The following PDE3A variants were observed in gnomAD, a reference collection of about 807,000 sequenced individuals.
The protein encoded by PDE3A is phosphodiesterase 3A.
In PDE3A, 43 loss-of-function variants were observed where a neutral mutation model predicts 98.3. The observed-to-expected ratio is 0.44, with a 90% confidence interval of 0.34 to 0.56. The LOEUF (loss-of-function observed/expected upper bound fraction) is 0.56. PDE3A is among the 20% of genes least tolerant of loss of function. The pLI is 0.01. For synonymous variants in PDE3A, 663 were observed against 567.9 expected, an observed-to-expected ratio of 1.17 and a Z score of -2.38; for missense variants, 1,427 against 1,440.7, an observed-to-expected ratio of 0.99 and a Z score of 0.15.
At chr12:20,509,197 G>A (rs2121109442) in intron 1 of PDE3A, among the ~76,000 whole-genome samples, 1 of 152,090 alleles carries the variant, frequency 6.6e-6, no homozygotes, top group Admixed American at 6.6e-5. Context: ...ATCCAGTAGG[G>A]CCTTGGCTTG....
In PDE3A at chr12:20,414,148, T is replaced by C. The variant is rs190902101; in HGVS notation, c.960+43904T>C. On this transcript the variant is annotated intron_variant, in intron 1 of 15. Coordinates refer to ENST00000359062, the MANE Select transcript of PDE3A (RefSeq NM_000921.5). ...TATTGTATGTTAATATATAGTGTAATATTTATGTATACGTATATTTGATTA... is the reference window on the plus strand; with the variant it reads ...TATTGTATGTTAATATATAGTGTAACATTTATGTATACGTATATTTGATTA... Among the ~76,000 whole-genome samples the C allele has an allele frequency of 1.5e-3, 232 of 152,324 alleles. 1 individual carries two copies. Among genetic ancestry groups the C allele is most frequent in the Middle Eastern group, 0.01 (3 of 294 alleles).
At chr12:20,375,254 A>G (rs906184527) in intron 1 of PDE3A, among the ~76,000 whole-genome samples, 2 of 152,056 alleles carry the variant, frequency 1.3e-5, no homozygotes, top group Non-Finnish European at 2.9e-5. Context: ...TCAAATGAAG[A>G]TAATTCCTTT....
Position 20,500,987 on chromosome 12 carries a change from T to C in PDE3A, c.961-55673T>C, listed in dbSNP as rs1185994732. 2.0e-5 allele frequency among the ~76,000 whole-genome samples: 3 copies of C among 152,108 alleles called. No homozygotes were observed. The East Asian group carries it at 5.8e-4, about 29-fold the overall frequency. ...GTCATCATGTTGCCCAGGCTGGCCC[T>C]GAACTCCTGAGCTCAAGCAATCTGC... On this transcript the variant is annotated intron_variant, in intron 1 of 15. Transcript: ENST00000359062.
At chr12:20,504,533 A>G (rs1265566364) in intron 1 of PDE3A, among the ~76,000 whole-genome samples, 1 of 152,154 alleles carries the variant, frequency 6.6e-6, no homozygotes, top group Non-Finnish European at 1.5e-5. Context: ...AACTATACAG[A>G]ACTGTAGGTC....
chr12:20,650,948 A>G (rs1473923229), intron 14 of PDE3A, among the ~76,000 whole-genome samples: 1 of 152,146 alleles, frequency 6.6e-6, no homozygotes, highest in Admixed American at 6.6e-5. Context: ...GCTTGTATGT[A>G]TATGGTAGTT....
chr12:20,370,731 A>G (rs965666649), intron 1 of PDE3A, among the ~76,000 whole-genome samples: 9 of 152,230 alleles, frequency 5.9e-5, no homozygotes, highest in African/African-American at 1.9e-4. Context: ...GAAAACCAGT[A>G]AAAAGATTCT....
intron 1 of PDE3A, among the ~76,000 whole-genome samples, chr12:20,531,269 A>G (rs949361507): frequency 6.6e-6 from 1 of 152,256 alleles, no homozygotes; most frequent in Admixed American, 6.5e-5. Context: ...TGTTCTTGCA[A>G]GATGGCTGAT....
intron 10 of PDE3A, among the ~76,000 whole-genome samples, chr12:20,641,513 A>G (rs80041598): frequency 0.043 from 6,565 of 152,186 alleles, 182 homozygotes; most frequent in Non-Finnish European, 0.062. Context: ...ACTAAGGAAC[A>G]GCTAATCACT....
intron 2 of PDE3A, among the ~76,000 whole-genome samples, chr12:20,560,135 T>C (rs375904052): frequency 1.1e-3 from 164 of 152,264 alleles, no homozygotes; most frequent in African/African-American, 3.8e-3. Flanking sequence ...AATTCCAAAA[T>C]GAAGTTTCAG....
chr12:20,477,559 G>A (rs961920133), intron 1 of PDE3A, among the ~76,000 whole-genome samples: 5 of 152,052 alleles, frequency 3.3e-5, no homozygotes, highest in African/African-American at 9.7e-5. Flanking sequence ...GGAATAATTC[G>A]ATATCTGGCT....
chr12:20,442,629 T>G (rs568373029), intron 1 of PDE3A, among the ~76,000 whole-genome samples: 6 of 152,292 alleles, frequency 3.9e-5, no homozygotes, highest in Admixed American at 1.3e-4. Flanking sequence ...ACCACTGCAA[T>G]GGGTTAAAGA....
intron 1 of PDE3A, among the ~76,000 whole-genome samples, chr12:20,412,164 A>T (rs1424711574): frequency 1.3e-5 from 2 of 152,182 alleles, no homozygotes; most frequent in Non-Finnish European, 2.9e-5. Flanking sequence ...AGCCATATTA[A>T]CTAGATTTCA....
chr12:20,409,319 TTTA>T (rs2120700156), intron 1 of PDE3A, among the ~76,000 whole-genome samples: 1 of 152,324 alleles, frequency 6.6e-6, no homozygotes, highest in East Asian at 1.9e-4. Context: ...TTTTTTCTTT[TTTA>T]TTAATTGTGG....
At position 20,685,349 on chromosome 12, in the gene PDE3A, T is replaced by C. The variant is rs900446438; in HGVS notation, c.*5078T>C. ...GCTTGAACCTGGGAGGCAGAGGTTA[T>C]GGTGAGCTGAGATTGCACCATTGCA... On this transcript the variant is annotated 3_prime_UTR_variant, in exon 16 of 16. Coordinates refer to ENST00000359062, the MANE Select transcript of PDE3A (RefSeq NM_000921.5). Among the ~76,000 whole-genome samples, 2 of 137,048 alleles carry C rather than the reference T, an allele frequency of 1.5e-5. No homozygotes were observed. Among genetic ancestry groups the C allele is most frequent in the African/African-American group, 5.6e-5 (2 of 35,626 alleles). 89.9% of individuals were successfully genotyped at this position (137,048 alleles called of 152,430 possible).
chr12:20,372,385 A>G (rs1016543922), intron 1 of PDE3A, among the ~76,000 whole-genome samples: 4 of 152,112 alleles, frequency 2.6e-5, no homozygotes, highest in African/African-American at 9.7e-5. Flanking sequence ...AAATTGAGAT[A>G]CTTGAAGTTT....
At chr12:20,583,164 A>G (rs1943110409) in intron 2 of PDE3A, among the ~76,000 whole-genome samples, 1 of 152,226 alleles carries the variant, frequency 6.6e-6, no homozygotes, top group Non-Finnish European at 1.5e-5. Flanking sequence ...TCATTCATAG[A>G]GTAAGTTTTT....
At chr12:20,506,385 A>AT (rs1283362301) in intron 1 of PDE3A, among the ~76,000 whole-genome samples, 1 of 151,976 alleles carries the variant, frequency 6.6e-6, no homozygotes, top group African/African-American at 2.4e-5. Flanking sequence ...TAATTTTGAA[A>AT]TTTTTTTCTG....
chr12:20,551,125 A>G (rs1942187149), intron 1 of PDE3A, among the ~76,000 whole-genome samples: 1 of 151,790 alleles, frequency 6.6e-6, no homozygotes, highest in Non-Finnish European at 1.5e-5. Flanking sequence ...ATAATAGGCA[A>G]TAGTAGTATC....
chr12:20,462,929 G>T (rs1945277871), intron 1 of PDE3A, among the ~76,000 whole-genome samples: 1 of 151,770 alleles, frequency 6.6e-6, no homozygotes, highest in South Asian at 2.1e-4. Context: ...ATACCACCAT[G>T]CCAGGCTAAT....
Sources: gnomAD v4.1 joint callset for allele counts (sites outside exome capture counted in the v4.1 genomes callset) on GRCh38, gnomAD v4.1.1 for gene constraint, MANE v1.5 for transcripts, NCBI Gene and HGNC (gene_info 2026-07-23, HGNC 2026-07-21) for gene names.